The following STK31 variants were observed in gnomAD, a reference collection of about 807,000 sequenced individuals.
STK31 encodes the protein serine/threonine-protein kinase 31.
In STK31, 89 loss-of-function variants were observed where a neutral mutation model predicts 129.7. The ratio of observed to expected loss-of-function variants is 0.69; its 90% CI spans 0.58 to 0.82. The LOEUF (loss-of-function observed/expected upper bound fraction) is 0.82. Among genes scored for constraint, STK31 ranks in the 40% least tolerant of loss-of-function variants. STK31 has a pLI of 0.00. For synonymous variants in STK31, 448 were observed against 395.3 expected (o/e 1.13, Z -1.58); for missense variants, 1,187 against 1,176.4 (o/e 1.01, Z -0.13).
At chr7:23,796,488 T>C (rs1156230795) in intron 22 of STK31, among the ~76,000 whole-genome samples, 1 of 152,194 alleles carries the variant, frequency 6.6e-6, no homozygotes, top group Admixed American at 6.5e-5. Flanking sequence ...TTTTCTACTC[T>C]TATGTATTGT....
At chr7:23,826,136 C>G (rs1440827934) in intron 23 of STK31, among the ~76,000 whole-genome samples, 2 of 152,008 alleles carry the variant, frequency 1.3e-5, no homozygotes, top group East Asian at 3.9e-4. Context: ...GAGCTGAGTT[C>G]AATTCCTGGA....
intron 22 of STK31, among the ~76,000 whole-genome samples, chr7:23,813,265 CTT>C (rs1393816140): frequency 2.0e-5 from 3 of 151,790 alleles, no homozygotes; most frequent in Non-Finnish European, 4.4e-5. Context: ...TTTTTAATAA[CTT>C]TTTTCTTTGC....
At chr7:23,828,639 C>G (rs181774242) in intron 23 of STK31, among the ~76,000 whole-genome samples, 1 of 152,234 alleles carries the variant, frequency 6.6e-6, no homozygotes, top group East Asian at 1.9e-4. Context: ...GAGATGAACC[C>G]GTTACCTCAG....
intron 8 of STK31, among the ~76,000 whole-genome samples, chr7:23,750,537 CT>C (rs1188216091): frequency 6.6e-6 from 1 of 152,056 alleles, no homozygotes; most frequent in Non-Finnish European, 1.5e-5. Flanking sequence ...ATCTTTTGTT[CT>C]TTTGTAATAT....
chr7:23,710,479 G>A, intron 1 of STK31, 144 bp downstream of exon 1: 2 of 1,523,048 alleles, frequency 1.3e-6, no homozygotes, highest in Non-Finnish European at 1.8e-6. Context: ...CACCCCAGAG[G>A]GGTGCCAGAT....
At chr7:23,738,663 T>A (rs1010107397) in intron 8 of STK31, among the ~76,000 whole-genome samples, 15 of 152,062 alleles carry the variant, frequency 9.9e-5, no homozygotes, top group African/African-American at 2.4e-5. Flanking sequence ...TTCAAGCGAT[T>A]CTCCTGCCTC....
intron 23 of STK31, among the ~76,000 whole-genome samples, chr7:23,826,316 T>C (rs960237566): frequency 3.3e-5 from 5 of 152,128 alleles, no homozygotes; most frequent in Non-Finnish European, 5.9e-5. Context: ...GGATAGTTAG[T>C]TCTTCTTGTT....
chr7:23,807,212 T>A (rs1211232215), intron 22 of STK31, among the ~76,000 whole-genome samples: 1 of 152,194 alleles, frequency 6.6e-6, no homozygotes, highest in Non-Finnish European at 1.5e-5. Context: ...TAATAACTTC[T>A]TTTGGCCATT....
chr7:23,828,369 C>T (rs1419104632), intron 23 of STK31, among the ~76,000 whole-genome samples: 2 of 152,230 alleles, frequency 1.3e-5, no homozygotes, highest in African/African-American at 2.4e-5. Flanking sequence ...GAGCGAGGCT[C>T]CTTGGGCGTA....
chr7:23,740,645 C>A, intron 8 of STK31, among the ~76,000 whole-genome samples: 1 of 146,102 alleles, frequency 6.8e-6, no homozygotes, highest in Admixed American at 6.9e-5. Flanking sequence ...TCCTTCACCA[C>A]TCCCCCCACC....
At chr7:23,729,443 A>C (rs1022327507) in intron 6 of STK31, among the ~76,000 whole-genome samples, 194 bp downstream of exon 6, 7 of 152,078 alleles carry the variant, frequency 4.6e-5, no homozygotes, top group Admixed American at 3.3e-4. Flanking sequence ...TAAGAATGAC[A>C]TACACATATA....
intron 23 of STK31, among the ~76,000 whole-genome samples, chr7:23,828,677 T>C (rs1387606149): frequency 6.6e-6 from 1 of 152,204 alleles, no homozygotes; most frequent in Non-Finnish European, 1.5e-5. Context: ...ACCCGTCTTC[T>C]GCGTCGCTCA....
chr7:23,800,037 C>T (rs1792268077), intron 22 of STK31, among the ~76,000 whole-genome samples: 1 of 152,268 alleles, frequency 6.6e-6, no homozygotes, highest in Admixed American at 6.5e-5. Flanking sequence ...CGATGAGATA[C>T]CATCTCATGC....
At chr7:23,739,048 C>T (rs982469606) in intron 8 of STK31, among the ~76,000 whole-genome samples, 45 of 152,218 alleles carry the variant, frequency 3.0e-4, no homozygotes, top group African/African-American at 1.1e-3. Context: ...TGAGGAATTG[C>T]CACACTGTCT....
chr7:23,826,085 G>T (rs1340321486), intron 23 of STK31, among the ~76,000 whole-genome samples: 1 of 152,154 alleles, frequency 6.6e-6, no homozygotes, highest in African/African-American at 2.4e-5. Flanking sequence ...TTGATTTGGG[G>T]TGGAGAGTTC....
intron 15 of STK31, among the ~76,000 whole-genome samples, chr7:23,777,465 T>C (rs936916482): frequency 1.3e-5 from 2 of 152,136 alleles, no homozygotes; most frequent in Admixed American, 6.6e-5. Context: ...GGGAGTCTAA[T>C]TCTCTTTGTA....
intron 23 of STK31, among the ~76,000 whole-genome samples, chr7:23,828,320 C>T (rs2128133546): frequency 6.6e-6 from 1 of 152,358 alleles, no homozygotes; most frequent in East Asian, 1.9e-4. Context: ...AGCCTCGCTG[C>T]CGCCTTGCAG....
chr7:23,818,252 C>T (rs1584496173), intron 23 of STK31, among the ~76,000 whole-genome samples: 1 of 152,172 alleles, frequency 6.6e-6, no homozygotes, highest in East Asian at 1.9e-4. Flanking sequence ...AAAATGATTT[C>T]ATTTTCCATA....
intron 23 of STK31, among the ~76,000 whole-genome samples, chr7:23,822,858 G>A (rs577086371): frequency 4.8e-4 from 73 of 152,156 alleles, no homozygotes; most frequent in Admixed American, 1.2e-3. Flanking sequence ...TCGGTTTTTT[G>A]TCCTTGCGAT....
Sources: gnomAD v4.1 joint callset for allele counts (sites outside exome capture counted in the v4.1 genomes callset) on GRCh38, gnomAD v4.1.1 for gene constraint, MANE v1.5 for transcripts, NCBI Gene and HGNC (gene_info 2026-07-23, HGNC 2026-07-21) for gene names.